PTGER3: variants seen among roughly 807,000 people sequenced by gnomAD.
The protein encoded by PTGER3 is prostaglandin E receptor 3.
In PTGER3, 22 loss-of-function variants were observed where a neutral mutation model predicts 34.7. The ratio of observed to expected loss-of-function variants is 0.63; its 90% CI spans 0.45 to 0.91. The LOEUF is 0.91. Ranked by LOEUF, PTGER3 falls within the 40% of genes least tolerant of loss-of-function variation. The pLI, the probability that PTGER3 is intolerant of heterozygous loss-of-function variation, is 0.00. For missense variants in PTGER3, 468 were observed against 519.4 expected, an observed-to-expected ratio of 0.90 and a Z score of 0.96; for synonymous variants, 241 against 230.1, an observed-to-expected ratio of 1.05 and a Z score of -0.43.
At chr1:71,040,735 A>G (rs1343681005) in intron 1 of PTGER3, among the ~76,000 whole-genome samples, 2 of 152,348 alleles carry the variant, frequency 1.3e-5, no homozygotes, top group East Asian at 1.9e-4. Context: ...TAGCAGAACT[A>G]AAAGAACAGA....
chr1:71,025,121 A>C (rs894456015), intron 1 of PTGER3, among the ~76,000 whole-genome samples: 14 of 71,292 alleles, frequency 2.0e-4, no homozygotes, highest in African/African-American at 9.5e-4. Flanking sequence ...ATCCTTTTCA[A>C]GATTCCAGGC....
downstream of PTGER3, among the ~76,000 whole-genome samples, chr1:70,949,099 A>C (rs1013349471): frequency 1.3e-5 from 2 of 151,918 alleles, no homozygotes; most frequent in Non-Finnish European, 2.9e-5. Flanking sequence ...GGAAAAGTTT[A>C]TGCGGCGGAA....
rs1048513675 is a variant in PTGER3 at position 71,011,653 on chromosome 1, G to A, written c.1077+652C>T. ...ATCAATCCAAGTAAACTTAAACTTT[G>A]TTAGGTTAGGAGCTAATTTGCTGTA... On this transcript the variant is annotated intron_variant, in intron 2 of 3. Transcript: ENST00000306666. The A allele has an allele frequency of 6.1e-6, 6 of 979,824 alleles. No homozygotes were observed. The African/African-American group carries it at 8.8e-5, about 14-fold the overall frequency. 60.7% of individuals were successfully genotyped at this position (979,824 alleles called of 1,614,324 possible). A position where few individuals can be genotyped will look rare whatever the true frequency, so the allele number is the denominator to read the frequency against.
chr1:71,031,543 C>T (rs1189743809), intron 1 of PTGER3, among the ~76,000 whole-genome samples: 2 of 152,126 alleles, frequency 1.3e-5, no homozygotes, highest in Non-Finnish European at 2.9e-5. Flanking sequence ...AGCAGTCAGG[C>T]TGGCAACAGA....
At position 71,009,527 on chromosome 1, in the gene PTGER3, C is replaced by T. The variant is rs988924016; in HGVS notation, c.1077+2778G>A. Reference sequence around the variant, plus strand: ...CCTATTTTATTTGAAAAGTAAACTGCTCTCATTAAGTAACATGTGATCATT... The same window carrying T: ...CCTATTTTATTTGAAAAGTAAACTGTTCTCATTAAGTAACATGTGATCATT... On this transcript the variant is annotated intron_variant, in intron 2 of 3. Transcript: ENST00000306666. The T allele has an allele frequency of 1.9e-5, 19 of 984,672 alleles. No individual in the cohort carries two copies. In the African/African-American group the frequency reaches 3.0e-4, roughly 15 times the overall value. The allele number at this position is 984,672 out of a possible 1,614,324, so 61.0% of individuals were successfully genotyped here.
At chr1:70,923,554 A>C (rs1647761712) in intron 4 of PTGER3, among the ~76,000 whole-genome samples, 1 of 152,210 alleles carries the variant, frequency 6.6e-6, no homozygotes, top group South Asian at 2.1e-4. Flanking sequence ...ATCTTTGAGA[A>C]CACTCTTGGA....
At chr1:71,043,619 A>G (rs960536098) in intron 1 of PTGER3, among the ~76,000 whole-genome samples, 1 of 152,216 alleles carries the variant, frequency 6.6e-6, no homozygotes, top group Non-Finnish European at 1.5e-5. Context: ...CAGGAAACCT[A>G]TATTACACTC....
intron 4 of PTGER3, among the ~76,000 whole-genome samples, chr1:70,888,799 G>A (rs1454460325): frequency 6.6e-6 from 1 of 152,024 alleles, no homozygotes; most frequent in East Asian, 1.9e-4. Flanking sequence ...AGATGTAGTT[G>A]TGCTGTTGTT....
intron 2 of PTGER3, chr1:71,010,795 T>C (rs1252945342): frequency 1.0e-6 from 1 of 985,022 alleles, no homozygotes; most frequent in Non-Finnish European, 1.2e-6. Context: ...TTTGACATGG[T>C]CATTTAAAAT....
At chr1:70,891,904 T>A (rs932785330) in intron 4 of PTGER3, among the ~76,000 whole-genome samples, 2 of 152,194 alleles carry the variant, frequency 1.3e-5, no homozygotes, top group Non-Finnish European at 2.9e-5. Context: ...CCATGAGTCT[T>A]AGGAAAAGAC....
chr1:71,047,054 C>T lies in PTGER3; in HGVS notation c.524G>A (p.Arg175His). Residue 175 changes from arginine (R) to histidine (H), a missense_variant, in exon 1 of 4, where the codon CGC (arginine) becomes CAC (histidine). Physicochemically the swap from Arg to His is conservative, Grantham distance 29. Coordinates refer to ENST00000306666, the MANE Select transcript of PTGER3 (RefSeq NM_198719.2). ...CAGCCACACGCCGAGCAGCACAGCG[C>T]GGGTGGCACGCGTCTTCATGTGGCT... is the stretch of plus-strand genomic sequence containing the variant. ...YASHMKTRAT[R>H]AVLLGVWLAV... 1 of 1,611,670 alleles carries T rather than the reference C, an allele frequency of 6.2e-7. No individual in the cohort carries two copies. Among genetic ancestry groups the T allele is most frequent in the Non-Finnish European group, 8.5e-7 (1 of 1,179,334 alleles).
chr1:70,942,177 G>C (rs1486808985), intron 4 of PTGER3, among the ~76,000 whole-genome samples: 1 of 152,128 alleles, frequency 6.6e-6, no homozygotes, highest in Non-Finnish European at 1.5e-5. Context: ...ACCTTAAAGT[G>C]AAAGTCTTGA....
At chr1:70,942,153 A>C (rs1165683253) in intron 4 of PTGER3, among the ~76,000 whole-genome samples, 1 of 152,110 alleles carries the variant, frequency 6.6e-6, no homozygotes, top group Non-Finnish European at 1.5e-5. Context: ...GAAGTGTGCC[A>C]CTTACTGGTT....
At chr1:70,897,817 CTGTGCTGTT>C (rs1293584785) in intron 4 of PTGER3, among the ~76,000 whole-genome samples, 1 of 152,156 alleles carries the variant, frequency 6.6e-6, no homozygotes, top group Non-Finnish European at 1.5e-5. Flanking sequence ...TATTGAGATG[CTGTGCTGTT>C]ATTGACTTCA....
intron 4 of PTGER3, among the ~76,000 whole-genome samples, chr1:70,933,731 T>C (rs625617): frequency 0.47 from 70,775 of 152,008 alleles, 18,699 homozygotes; most frequent in East Asian, 0.71. Flanking sequence ...TATAATCACC[T>C]AGTTTTAATA....
rs551537794 is a variant in PTGER3, at chr1:70,981,973, AT to A, written c.1078-7586del. 2.0e-4 allele frequency among the ~76,000 whole-genome samples: 31 copies of A among 152,120 alleles called. No homozygotes were observed. In the East Asian group the frequency reaches 5.8e-3, roughly 29 times the overall value. ...TTCTTTTTGACATATGCACAGACTA[AT>A]TTTCTTTCAAGGGCAAGTTCAAATT... is the stretch of plus-strand genomic sequence containing the variant. On this transcript the variant is annotated intron_variant, in intron 2 of 3. Coordinates refer to ENST00000306666, the MANE Select transcript of PTGER3 (RefSeq NM_198719.2).
intron 1 of PTGER3, among the ~76,000 whole-genome samples, chr1:71,026,256 C>G (rs144352309): frequency 6.6e-6 from 1 of 152,096 alleles, no homozygotes; most frequent in Admixed American, 6.6e-5. Flanking sequence ...ACTCACAGTC[C>G]CTGACCTATA....
At chr1:71,019,838 A>G (rs1431996001) in intron 1 of PTGER3, among the ~76,000 whole-genome samples, 2 of 152,234 alleles carry the variant, frequency 1.3e-5, no homozygotes, top group African/African-American at 2.4e-5. Flanking sequence ...TAAATTGGTT[A>G]GCTGCCCTTA....
chr1:70,932,061 C>T (rs1172227928), intron 4 of PTGER3, among the ~76,000 whole-genome samples: 1 of 152,156 alleles, frequency 6.6e-6, no homozygotes, highest in Non-Finnish European at 1.5e-5. Context: ...GAAATTTCTT[C>T]CACCAGATAC....
Sources: gnomAD v4.1 joint callset for allele counts (sites outside exome capture counted in the v4.1 genomes callset) on GRCh38, gnomAD v4.1.1 for gene constraint, MANE v1.5 for transcripts, NCBI Gene and HGNC (gene_info 2026-07-23, HGNC 2026-07-21) for gene names.